The following MBNL2 variants were observed in gnomAD, a reference collection of about 807,000 sequenced individuals.
The protein encoded by MBNL2 is muscleblind-like protein 2.
Under a neutral mutation model 41.9 loss-of-function variants are expected in MBNL2, and 17 were observed. That is an observed-to-expected ratio of 0.41 (90% CI 0.28 to 0.61). MBNL2 has a LOEUF of 0.61. MBNL2 is among the 20% of genes least tolerant of loss of function. MBNL2 has a pLI of 0.35. For missense variants in MBNL2, 336 were observed against 505.6 expected (o/e 0.66, Z 3.22); for synonymous variants, 195 against 182.9 (o/e 1.07, Z -0.53).
chr13:97,371,469 A>ATAAC (rs2064370016), intron 8 of MBNL2, among the ~76,000 whole-genome samples: 1 of 152,178 alleles, frequency 6.6e-6, no homozygotes, highest in Non-Finnish European at 1.5e-5. Context: ...CAGCTGGAGA[A>ATAAC]TAACTCCCAT....
chr13:97,233,291 G>T (rs1269799849), intron 1 of MBNL2, among the ~76,000 whole-genome samples: 1 of 144,378 alleles, frequency 6.9e-6, no homozygotes, highest in Non-Finnish European at 1.5e-5. Flanking sequence ...TTTACATTAG[G>T]TATATCTCCT....
upstream of MBNL2, among the ~76,000 whole-genome samples, chr13:97,222,136 C>A (rs1017685956): frequency 1.3e-5 from 2 of 152,162 alleles, no homozygotes; most frequent in African/African-American, 4.8e-5. Context: ...TGATTGCTTT[C>A]TTCTGAGAGG....
At chr13:97,231,175 CATG>C (rs2042330651) in intron 1 of MBNL2, among the ~76,000 whole-genome samples, 1 of 152,184 alleles carries the variant, frequency 6.6e-6, no homozygotes, top group Non-Finnish European at 1.5e-5. Context: ...AATAGCCTTT[CATG>C]ATGAGAAAGT....
At chr13:97,361,455 A>T (rs1435742038) in intron 7 of MBNL2, among the ~76,000 whole-genome samples, 2 of 152,192 alleles carry the variant, frequency 1.3e-5, no homozygotes, top group Admixed American at 1.3e-4. Flanking sequence ...CTTGCTAAGA[A>T]GATCAGGACC....
At chr13:97,232,578 T>C (rs2042530604) in intron 1 of MBNL2, among the ~76,000 whole-genome samples, 1 of 152,162 alleles carries the variant, frequency 6.6e-6, no homozygotes, top group African/African-American at 2.4e-5. Flanking sequence ...GATGGAAACA[T>C]GCAACCCTTG....
At chr13:97,255,210 G>A (rs1383870229) in intron 1 of MBNL2, among the ~76,000 whole-genome samples, 1 of 152,180 alleles carries the variant, frequency 6.6e-6, no homozygotes, top group African/African-American at 2.4e-5. Flanking sequence ...TTAGAGCAGA[G>A]CAGAGTTAGA....
At chr13:97,309,839 G>C (rs2058430435) in intron 2 of MBNL2, among the ~76,000 whole-genome samples, 1 of 152,222 alleles carries the variant, frequency 6.6e-6, no homozygotes, top group South Asian at 2.1e-4. Context: ...AACAATAAGA[G>C]CTAGCTCTTG....
intron 2 of MBNL2, among the ~76,000 whole-genome samples, chr13:97,299,666 A>ATCTATCTATCTG (rs1477401177): frequency 4.5e-4 from 68 of 151,956 alleles, no homozygotes; most frequent in Middle Eastern, 3.4e-3. Flanking sequence ...CTATCTATCT[A>ATCTATCTATCTG]TCTATCTATC....
At chr13:97,267,968 C>T (rs968680991) in intron 1 of MBNL2, among the ~76,000 whole-genome samples, 1 of 152,212 alleles carries the variant, frequency 6.6e-6, no homozygotes, top group Non-Finnish European at 1.5e-5. Context: ...CTGCATCAGC[C>T]GCCCCCTGGA....
intron 5 of MBNL2, among the ~76,000 whole-genome samples, chr13:97,348,124 G>A (rs9584555): frequency 0.25 from 37,220 of 146,568 alleles, 4,946 homozygotes; most frequent in Non-Finnish European, 0.3. Flanking sequence ...ACCCAGGCTG[G>A]AGTGCAGTGG....
rs187935194 is a variant in MBNL2, at chr13:97,357,092, A to T, written c.858+243A>T. On this transcript the variant is annotated intron_variant, in intron 6 of 8. Coordinates refer to ENST00000679496, the MANE Select transcript of MBNL2 (RefSeq NM_001382683.1). ...AAATTATTTGACTCAGAAAATGTTC[A>T]TTATAATTCGTATTAACCTTTAAAT... Among the ~76,000 whole-genome samples, 23 of 152,346 alleles carry T rather than the reference A, an allele frequency of 1.5e-4. No homozygotes were observed. In the East Asian group the frequency reaches 4.1e-3, roughly 27 times the overall value.
intron 2 of MBNL2, among the ~76,000 whole-genome samples, chr13:97,325,356 A>C (rs966541576): frequency 1.3e-5 from 2 of 152,216 alleles, no homozygotes; most frequent in African/African-American, 4.8e-5. Flanking sequence ...CCCTTCATCA[A>C]GCCAACAAAC....
chr13:97,165,383 C>T, the MBNL2 span, among the ~76,000 whole-genome samples: 1 of 152,132 alleles, frequency 6.6e-6, no homozygotes. Flanking sequence ...CACAGTTAAA[C>T]TCTATTATCT....
intron 2 of MBNL2, among the ~76,000 whole-genome samples, chr13:97,289,473 C>A (rs534735588): frequency 6.6e-6 from 1 of 151,970 alleles, no homozygotes; most frequent in Non-Finnish European, 1.5e-5. Flanking sequence ...TGCTAACTTT[C>A]GGTTGTTAAC....
intron 1 of MBNL2, among the ~76,000 whole-genome samples, chr13:97,237,959 T>C (rs905073022): frequency 1.3e-5 from 2 of 151,960 alleles, no homozygotes; most frequent in African/African-American, 4.8e-5. Flanking sequence ...ACGAAGAGCA[T>C]GGGCAGGATT....
the MBNL2 span, among the ~76,000 whole-genome samples, chr13:97,182,400 T>C: frequency 6.6e-6 from 1 of 152,244 alleles, no homozygotes; most frequent in African/African-American, 2.4e-5. Flanking sequence ...CCTTCTTTGC[T>C]ATGCAATACA....
chr13:97,351,742 C>T (rs544229937), intron 5 of MBNL2, among the ~76,000 whole-genome samples: 157 of 152,208 alleles, frequency 1.0e-3, no homozygotes, highest in South Asian at 2.5e-3. Context: ...ATTAGGTTTT[C>T]GGCCAGCGTG....
chr13:97,276,849 A>C (rs559347623), intron 2 of MBNL2, among the ~76,000 whole-genome samples: 1 of 151,688 alleles, frequency 6.6e-6, no homozygotes, highest in South Asian at 2.1e-4. Flanking sequence ...AGTACTTCCT[A>C]AAACGCTTTT....
the MBNL2 span, among the ~76,000 whole-genome samples, chr13:97,158,554 C>G: frequency 1.3e-5 from 2 of 151,336 alleles, no homozygotes; most frequent in Non-Finnish European, 3.0e-5. Context: ...TTTCCCTCTA[C>G]ACACTGCTTT....
Sources: gnomAD v4.1 joint callset for allele counts (sites outside exome capture counted in the v4.1 genomes callset) on GRCh38, gnomAD v4.1.1 for gene constraint, MANE v1.5 for transcripts, NCBI Gene and HGNC (gene_info 2026-07-23, HGNC 2026-07-21) for gene names.